The following MERTK variants were observed in gnomAD, a reference collection of about 807,000 sequenced individuals.
MERTK encodes the protein MER proto-oncogene, tyrosine kinase, also known as tyrosine-protein kinase Mer.
MERTK carries 69 observed loss-of-function variants against 99.3 expected under a neutral mutation model. The ratio of observed to expected loss-of-function variants is 0.70; its 90% CI spans 0.57 to 0.85. The LOEUF is 0.85. Among genes scored for constraint, MERTK ranks in the 40% least tolerant of loss-of-function variants. The pLI is 0.00. For missense variants in MERTK, 1,125 were observed against 1,249.4 expected, an observed-to-expected ratio of 0.90 and a Z score of 1.50; for synonymous variants, 426 against 467.6, an observed-to-expected ratio of 0.91 and a Z score of 1.15.
At chr2:111,955,029 T>A (rs1357305390) in intron 4 of MERTK, among the ~76,000 whole-genome samples, 3 of 152,072 alleles carry the variant, frequency 2.0e-5, no homozygotes, top group Non-Finnish European at 4.4e-5. Flanking sequence ...TTGTGCAGAG[T>A]AGCTGCCCCT....
chr2:111,922,981 G>A (rs774644503), intron 1 of MERTK, among the ~76,000 whole-genome samples: 2 of 152,192 alleles, frequency 1.3e-5, no homozygotes. Flanking sequence ...GTCCCTAAAT[G>A]TCTGAGCCAC....
rs1677028283 is a variant in MERTK, at chr2:112,008,392, C to T, written c.1877C>T (p.Ser626Phe). The T allele has an allele frequency of 6.2e-7, 1 of 1,613,554 alleles. No homozygotes were observed. Among genetic ancestry groups the T allele is most frequent in the Non-Finnish European group, 8.5e-7 (1 of 1,179,556 alleles). Reference sequence around the variant, plus strand: ...CTATTTTCTCCTCTAGTGGACAACTCTTCACAGCGGGAGATCGAGGAGTTT... The same window carrying T: ...CTATTTTCTCCTCTAGTGGACAACTTTTCACAGCGGGAGATCGAGGAGTTT... ...VAVKTMKLDNSSQREIEEFLS... is the reference protein window; with the variant it reads ...VAVKTMKLDNFSQREIEEFLS... Residue 626 changes from serine to phenylalanine, a missense_variant, in exon 14 of 19, where the codon TCT (serine) becomes TTT (phenylalanine). Physicochemically the swap from Ser to Phe is radical, Grantham distance 155. Transcript: ENST00000295408.
chr2:111,985,519 A>G (rs1216674822), intron 8 of MERTK, among the ~76,000 whole-genome samples: 1 of 152,176 alleles, frequency 6.6e-6, no homozygotes, highest in Non-Finnish European at 1.5e-5. Context: ...GACAGATTGT[A>G]TTAGTCTGTT....
At chr2:111,982,451 T>C (rs1427073777) in intron 7 of MERTK, among the ~76,000 whole-genome samples, 2 of 152,188 alleles carry the variant, frequency 1.3e-5, no homozygotes, top group Non-Finnish European at 2.9e-5. Context: ...GGTATGATCA[T>C]GTCTCACTGT....
chr2:111,936,418 A>T (rs201916997), intron 2 of MERTK, among the ~76,000 whole-genome samples: 1 of 34,860 alleles, frequency 2.9e-5, no homozygotes, highest in Non-Finnish European at 6.9e-5. Context: ...AAAATTTTTT[A>T]ATTTTTGTAA....
intron 4 of MERTK, among the ~76,000 whole-genome samples, chr2:111,949,608 A>G (rs184787112): frequency 6.6e-6 from 1 of 152,318 alleles, no homozygotes; most frequent in African/African-American, 2.4e-5. Flanking sequence ...TAAAATTGAC[A>G]TACAATTAAG....
intron 15 of MERTK, among the ~76,000 whole-genome samples, chr2:112,018,462 A>G (rs922011241): frequency 5.3e-5 from 8 of 152,212 alleles, no homozygotes; most frequent in Admixed American, 3.9e-4. Flanking sequence ...ATTTATTTAT[A>G]CAGTATGTAA....
chr2:111,949,070 T>G (rs951349117), intron 4 of MERTK, among the ~76,000 whole-genome samples: 2 of 151,958 alleles, frequency 1.3e-5, no homozygotes, highest in African/African-American at 4.8e-5. Flanking sequence ...TTCTATCTGC[T>G]TGCAGTGTTC....
At chr2:111,949,696 A>G (rs748107867) in intron 4 of MERTK, among the ~76,000 whole-genome samples, 1 of 152,140 alleles carries the variant, frequency 6.6e-6, no homozygotes, top group Non-Finnish European at 1.5e-5. Flanking sequence ...CGGTCAAGAT[A>G]TAGAATATTG....
Position 112,019,512 on chromosome 2 carries a change from C to G in MERTK, c.2179C>G (p.Arg727Gly), listed in dbSNP as rs746238212. Residue 727 changes from arginine to glycine, a missense_variant, in exon 16 of 19, where the codon CGA (arginine) becomes GGA (glycine). Coordinates refer to ENST00000295408, the MANE Select transcript of MERTK (RefSeq NM_006343.3). ...TTTTCTTCATCGAGATTTAGCTGCT[C>G]GAAACTGCATGTAAGAGTCCTCGGC... is the stretch of plus-strand genomic sequence containing the variant. ...RNFLHRDLAA[R>G]NCMLRDDMTV... is the part of the protein sequence containing the mutation. 6 of 1,610,490 alleles carry G rather than the reference C, an allele frequency of 3.7e-6. No homozygotes were observed. Among genetic ancestry groups the G allele is most frequent in the Non-Finnish European group, 5.1e-6 (6 of 1,176,744 alleles).
chr2:111,933,795 C>T lies in MERTK; in HGVS notation c.482+4255C>T, dbSNP rs550243634. Among the ~76,000 whole-genome samples, 22 of 152,124 alleles carry T rather than the reference C, an allele frequency of 1.4e-4. No homozygotes were observed. In the East Asian group the frequency reaches 1.5e-3, roughly 11 times the overall value. ...TGCAGGTTTGTTACATAGGTATACA[C>T]GTGCCATGGTGCTTTGCTACACCCA... On this transcript the variant is annotated intron_variant, in intron 2 of 18. Transcript: ENST00000295408.
chr2:111,911,349 C>T (rs1363954456), intron 1 of MERTK, among the ~76,000 whole-genome samples: 1 of 151,836 alleles, frequency 6.6e-6, no homozygotes, highest in Non-Finnish European at 1.5e-5. Context: ...TGTAAATATA[C>T]CATAGTTTTA....
chr2:111,978,748 T>G (rs1455080132), intron 7 of MERTK, among the ~76,000 whole-genome samples: 1 of 152,242 alleles, frequency 6.6e-6, no homozygotes. Context: ...CTGATAATGT[T>G]TGATTGGATT....
chr2:111,955,190 T>G (rs1174767686), intron 4 of MERTK, among the ~76,000 whole-genome samples: 1 of 152,226 alleles, frequency 6.6e-6, no homozygotes, highest in Non-Finnish European at 1.5e-5. Context: ...GAGCAAGCAT[T>G]GTTTATGGAA....
chr2:111,957,352 C>G (rs1213174595), intron 4 of MERTK, among the ~76,000 whole-genome samples: 1 of 152,112 alleles, frequency 6.6e-6, no homozygotes, highest in Non-Finnish European at 1.5e-5. Context: ...AAAGGCCTCT[C>G]CCACATGTTG....
intron 12 of MERTK, 52 bp from the exon 13 acceptor site, chr2:112,003,848 CTGTG>C (rs1013040055): frequency 2.8e-6 from 4 of 1,427,980 alleles, no homozygotes; most frequent in Non-Finnish European, 4.0e-6. Flanking sequence ...TGTAGCATTT[CTGTG>C]GTCAGGGAAG....
At chr2:111,937,575 G>T (rs1684786834) in intron 2 of MERTK, among the ~76,000 whole-genome samples, 1 of 152,148 alleles carries the variant, frequency 6.6e-6, no homozygotes, top group Admixed American at 6.5e-5. Context: ...GGCCCCCATG[G>T]GCTCTCTGTG....
intron 8 of MERTK, among the ~76,000 whole-genome samples, chr2:111,992,020 T>G (rs1676631059): frequency 6.6e-6 from 1 of 152,094 alleles, no homozygotes; most frequent in Admixed American, 6.6e-5. Context: ...TACTCCTCTG[T>G]CTCCCCAAGG....
chr2:111,972,153 C>T (rs1322972739), intron 6 of MERTK, among the ~76,000 whole-genome samples: 1 of 152,212 alleles, frequency 6.6e-6, no homozygotes, highest in African/African-American at 2.4e-5. Context: ...GCCTCAGCCT[C>T]CTGAGTAGCT....
Sources: gnomAD v4.1 joint callset for allele counts (sites outside exome capture counted in the v4.1 genomes callset) on GRCh38, gnomAD v4.1.1 for gene constraint, MANE v1.5 for transcripts, NCBI Gene and HGNC (gene_info 2026-07-23, HGNC 2026-07-21) for gene names.